Variants in PTPN4 observed in about 807,000 individuals in gnomAD.
PTPN4 encodes the protein tyrosine-protein phosphatase non-receptor type 4.
A neutral mutation model predicts 135.5 loss-of-function variants in PTPN4; 49 were observed. The ratio of observed to expected loss-of-function variants is 0.36; its 90% CI spans 0.29 to 0.46. The LOEUF (loss-of-function observed/expected upper bound fraction) is 0.46. PTPN4 is among the 20% of genes least tolerant of loss of function. PTPN4 has a pLI of 1.00. For missense variants in PTPN4, 860 were observed against 1,101.0 expected (o/e 0.78, Z 3.10); for synonymous variants, 333 against 369.9 (o/e 0.90, Z 1.14).
chr2:119,777,821 ATT>A (rs796618047), intron 1 of PTPN4, among the ~76,000 whole-genome samples: 1 of 147,870 alleles, frequency 6.8e-6, no homozygotes, highest in African/African-American at 2.5e-5. Flanking sequence ...TGCCCAGCTA[ATT>A]TTTTTTTTTC....
chr2:119,801,297 A>G (rs535456597), intron 1 of PTPN4, among the ~76,000 whole-genome samples: 1 of 152,168 alleles, frequency 6.6e-6, no homozygotes, highest in Admixed American at 6.5e-5. Flanking sequence ...CAAGTTGGCC[A>G]GGCTGGTCTT....
At chr2:119,942,790 C>T (rs766205610) in intron 15 of PTPN4, among the ~76,000 whole-genome samples, 9 of 152,074 alleles carry the variant, frequency 5.9e-5, no homozygotes, top group African/African-American at 2.2e-4. Flanking sequence ...TGTAGTAGGC[C>T]GTGGTTGAGT....
intron 2 of PTPN4, among the ~76,000 whole-genome samples, chr2:119,845,357 C>A (rs116010002): frequency 0.023 from 3,554 of 151,282 alleles, 62 homozygotes; most frequent in Non-Finnish European, 0.032. Context: ...CCATCTGGAT[C>A]TGATTTTTTC....
chr2:119,951,634 G>C lies in PTPN4; in HGVS notation c.1657-339G>C, dbSNP rs114247791. ...GTTTGAATTGTATTGTTGGGGGACT[G>C]CTGTTATTTAATTAAATCATGGTAA... On this transcript the variant is annotated intron_variant, in intron 18 of 26. Transcript: ENST00000263708. Among the ~76,000 whole-genome samples the C allele has an allele frequency of 3.3e-3, 508 of 152,294 alleles. 5 individuals are homozygous for C. Among genetic ancestry groups the C allele is most frequent in the African/African-American group, 0.011 (453 of 41,570 alleles).
intron 26 of PTPN4, among the ~76,000 whole-genome samples, chr2:119,969,700 A>G (rs1421595264): frequency 6.6e-6 from 1 of 151,764 alleles, no homozygotes; most frequent in Non-Finnish European, 1.5e-5. Flanking sequence ...CTGGGACTAC[A>G]GGCACCCGCC....
rs555436632 is a variant in PTPN4, at chr2:119,809,675, T to C, written c.-17-162T>C. 2.0e-5 allele frequency among the ~76,000 whole-genome samples: 3 copies of C among 152,328 alleles called. No individual in the cohort carries two copies. In the South Asian group the frequency reaches 6.2e-4, roughly 32 times the overall value. ...TGGTAACTTTAGTTTGATGATGAAC[T>C]ATATATAACTTATACCTACAATTCT... On this transcript the variant is annotated intron_variant, in intron 1 of 26. Transcript: ENST00000263708.
chr2:119,808,757 C>T (rs1024070451), intron 1 of PTPN4, among the ~76,000 whole-genome samples: 10 of 152,054 alleles, frequency 6.6e-5, no homozygotes, highest in East Asian at 1.9e-4. Flanking sequence ...ACTTGGCAAG[C>T]GTCTCCTTGT....
At chr2:119,931,516 C>A (rs1678907725) in intron 13 of PTPN4, among the ~76,000 whole-genome samples, 1 of 142,316 alleles carries the variant, frequency 7.0e-6, no homozygotes, top group African/African-American at 2.6e-5. Context: ...TATCACAGCT[C>A]ACTGCAGTCT....
At position 119,967,964 on chromosome 2, in the gene PTPN4, C is replaced by A; in HGVS notation, c.2686C>A (p.Gln896Lys). ...TMRDQRAMMI[Q>K]TPSQYRFVCE... ...GAGAGATCAGCGAGCCATGATGATCCAAACACCTGTGAGTACTGTACTTTA... is the reference window on the plus strand; with the variant it reads ...GAGAGATCAGCGAGCCATGATGATCAAAACACCTGTGAGTACTGTACTTTA... The change falls in exon 26 of 27, where the codon CAA (glutamine) becomes AAA (lysine). Residue 896 changes from glutamine (Q) to lysine (K), a missense_variant. Physicochemically the swap from Gln to Lys is moderately conservative, Grantham distance 53 (BLOSUM62 1). Around this residue, in one of 2 missense-constraint regions of PTPN4, gnomAD observed 176 missense variants for 294.1 expected, o/e 0.60. Transcript: ENST00000263708. The A allele has an allele frequency of 1.9e-6, 3 of 1,598,802 alleles. No individual in the cohort carries two copies. Among genetic ancestry groups the A allele is most frequent in the Non-Finnish European group, 2.6e-6 (3 of 1,169,978 alleles).
At chr2:119,900,217 T>C (rs983874447) in intron 9 of PTPN4, among the ~76,000 whole-genome samples, 3 of 152,158 alleles carry the variant, frequency 2.0e-5, no homozygotes, top group Non-Finnish European at 4.4e-5. Context: ...TTATATACTC[T>C]CATGATGTTT....
At chr2:119,806,507 A>G (rs1691472093) in intron 1 of PTPN4, among the ~76,000 whole-genome samples, 1 of 152,232 alleles carries the variant, frequency 6.6e-6, no homozygotes, top group African/African-American at 2.4e-5. Context: ...TAAAGGGATC[A>G]ATTCAACAAG....
At chr2:119,956,764 G>T in intron 20 of PTPN4, 80 bp from the exon 21 acceptor site, 17 of 1,569,818 alleles carry the variant, frequency 1.1e-5, no homozygotes, top group Non-Finnish European at 1.5e-5. Flanking sequence ...TTTCCTGTTA[G>T]TGTAGAAACA....
At chr2:119,909,222 C>T (rs578125302) in intron 10 of PTPN4, among the ~76,000 whole-genome samples, 57 of 152,140 alleles carry the variant, frequency 3.7e-4, no homozygotes, top group Admixed American at 8.5e-4. Flanking sequence ...CTAAGACTAT[C>T]ATAGATGAAG....
intron 2 of PTPN4, among the ~76,000 whole-genome samples, chr2:119,854,160 C>G (rs1192974213): frequency 1.3e-5 from 2 of 152,132 alleles, no homozygotes; most frequent in Non-Finnish European, 2.9e-5. Context: ...TTTTAATATG[C>G]AAATGCAGGT....
intron 3 of PTPN4, among the ~76,000 whole-genome samples, chr2:119,875,734 CT>C (rs1353290195): frequency 1.3e-5 from 2 of 152,092 alleles, no homozygotes. Flanking sequence ...TGTGCCACTG[CT>C]TTTGACAGTA....
intron 9 of PTPN4, among the ~76,000 whole-genome samples, chr2:119,886,615 T>C (rs1240586661): frequency 4.6e-5 from 7 of 152,220 alleles, no homozygotes. Flanking sequence ...TTATCTTCTC[T>C]TGGAAATGAA....
chr2:119,838,027 T>C (rs1350322199), intron 2 of PTPN4, among the ~76,000 whole-genome samples: 3 of 152,264 alleles, frequency 2.0e-5, no homozygotes, highest in Non-Finnish European at 4.4e-5. Context: ...CCAAGCTTCC[T>C]TCCAGTAGGA....
intron 1 of PTPN4, among the ~76,000 whole-genome samples, chr2:119,766,417 C>T (rs1690618946): frequency 6.6e-6 from 1 of 150,990 alleles, no homozygotes; most frequent in African/African-American, 2.4e-5. Context: ...CCGCTGCCTC[C>T]CCCATTTCAC....
chr2:119,823,469 G>A (rs1160059244), intron 2 of PTPN4, among the ~76,000 whole-genome samples: 5 of 152,088 alleles, frequency 3.3e-5, no homozygotes, highest in African/African-American at 1.2e-4. Flanking sequence ...TCCTGACCTC[G>A]TGATCCACCC....
Sources: allele counts gnomAD v4.1 joint callset (sites outside exome capture counted in the v4.1 genomes callset), GRCh38; gene constraint gnomAD v4.1.1; regional missense constraint gnomAD v4.1.1; transcripts MANE v1.5; gene names NCBI Gene and HGNC (gene_info 2026-07-23, HGNC 2026-07-21).